The following MBNL2 variants were observed in gnomAD, a reference collection of about 807,000 sequenced individuals.
MBNL2 encodes the protein muscleblind like splicing regulator 2.
Under a neutral mutation model 41.9 loss-of-function variants are expected in MBNL2, and 17 were observed. That is an observed-to-expected ratio of 0.41 (90% CI 0.28 to 0.61). The LOEUF is 0.61. Ranked by LOEUF, MBNL2 falls within the 20% of genes least tolerant of loss-of-function variation. The probability of loss-of-function intolerance (pLI) is 0.35; values close to 1 mark genes in which losing one functional copy is unlikely to be tolerated. For synonymous variants in MBNL2, 195 were observed against 182.9 expected (o/e 1.07, Z -0.53); for missense variants, 336 against 505.6 (o/e 0.66, Z 3.22).
the MBNL2 span, among the ~76,000 whole-genome samples, chr13:97,213,757 G>A: frequency 6.6e-6 from 1 of 152,150 alleles, no homozygotes; most frequent in Non-Finnish European, 1.5e-5. Context: ...TAGGTAGGGT[G>A]GTGATCCTAA....
intron 5 of MBNL2, among the ~76,000 whole-genome samples, chr13:97,350,809 T>TTAAG (rs1474398753): frequency 6.6e-6 from 1 of 152,248 alleles, no homozygotes; most frequent in Non-Finnish European, 1.5e-5. Flanking sequence ...CTTTTTCCAT[T>TTAAG]TAAGTCTTGA....
At chr13:97,318,588 T>G (rs534870015) in intron 2 of MBNL2, among the ~76,000 whole-genome samples, 28 of 152,346 alleles carry the variant, frequency 1.8e-4, no homozygotes, top group African/African-American at 6.3e-4. Flanking sequence ...TAATTCCTTT[T>G]TAAAAAATAA....
At chr13:97,222,693 A>G (rs1018135967) in intron 1 of MBNL2, among the ~76,000 whole-genome samples, 162 bp downstream of exon 1, 1 of 152,220 alleles carries the variant, frequency 6.6e-6, no homozygotes, top group African/African-American at 2.4e-5. Flanking sequence ...TGATTTGAGA[A>G]AAAGAAATGG....
At chr13:97,270,135 T>C (rs1346152722) in intron 1 of MBNL2, among the ~76,000 whole-genome samples, 1 of 152,172 alleles carries the variant, frequency 6.6e-6, no homozygotes, top group Non-Finnish European at 1.5e-5. Flanking sequence ...TAGGACTTTC[T>C]ATCACCCTGG....
At chr13:97,376,771 G>A (rs1327031632) in intron 8 of MBNL2, among the ~76,000 whole-genome samples, 1 of 152,144 alleles carries the variant, frequency 6.6e-6, no homozygotes, top group East Asian at 1.9e-4. Flanking sequence ...ATGAAAGGCA[G>A]TAAGTCTTAA....
At chr13:97,202,142 G>T in the MBNL2 span, among the ~76,000 whole-genome samples, 2 of 152,152 alleles carry the variant, frequency 1.3e-5, no homozygotes, top group Non-Finnish European at 2.9e-5. Context: ...TAGTTGAAGC[G>T]ATCTGATATC....
Position 97,366,993 on chromosome 13 carries a change from T to A in MBNL2, c.1048+1822T>A, listed in dbSNP as rs909913545. ...GAAAGAGTCATATTTGAGGCCTAAG[T>A]GTCATATTTGAGGTCTGAATAATTC... On this transcript the variant is annotated intron_variant, in intron 8 of 8. Coordinates refer to ENST00000679496, the MANE Select transcript of MBNL2 (RefSeq NM_001382683.1). The surrounding 1 kb of genome is among the most constrained non-coding windows in gnomAD (Gnocchi z 4.7). Among the ~76,000 whole-genome samples, 3 of 152,112 alleles carry A rather than the reference T, an allele frequency of 2.0e-5. No homozygotes were observed. Among genetic ancestry groups the A allele is most frequent in the African/African-American group, 7.2e-5 (3 of 41,430 alleles).
At chr13:97,267,697 A>C (rs1284129720) in intron 1 of MBNL2, among the ~76,000 whole-genome samples, 2 of 152,142 alleles carry the variant, frequency 1.3e-5, no homozygotes, top group African/African-American at 2.4e-5. Context: ...CCTAATTCTC[A>C]CAGAAGGAAG....
chr13:97,273,475 A>G (rs1156562089), intron 1 of MBNL2, among the ~76,000 whole-genome samples: 1 of 152,248 alleles, frequency 6.6e-6, no homozygotes, highest in Non-Finnish European at 1.5e-5. Context: ...CTGTGAATGC[A>G]GCGTTGCCAA....
the MBNL2 span, among the ~76,000 whole-genome samples, chr13:97,210,614 A>G: frequency 2.0e-4 from 18 of 91,776 alleles, 1 homozygote; most frequent in Middle Eastern, 9.6e-3. Flanking sequence ...TTTTTTTGAG[A>G]CAGAATCTCA....
intron 2 of MBNL2, among the ~76,000 whole-genome samples, chr13:97,321,395 A>G (rs924628975): frequency 6.6e-6 from 1 of 152,292 alleles, no homozygotes; most frequent in African/African-American, 2.4e-5. Flanking sequence ...AACACTTGAC[A>G]TTTAACAGGC....
At position 97,356,784 on chromosome 13, in the gene MBNL2, T is replaced by C; in HGVS notation, c.805-12T>C. The C allele has an allele frequency of 7.3e-7, 1 of 1,361,672 alleles. No homozygotes were observed. Among genetic ancestry groups the C allele is most frequent in the South Asian group, 1.1e-5 (1 of 88,020 alleles). 84.3% of individuals were successfully genotyped at this position (1,361,672 alleles called of 1,614,324 possible). Reference sequence around the variant, plus strand: ...CCACTGCCATCATGTGCTCGCTGCCTGTTATTAAAAGACTCAGTCGACTGC... The same window carrying C: ...CCACTGCCATCATGTGCTCGCTGCCCGTTATTAAAAGACTCAGTCGACTGC... On this transcript the variant is annotated splice_polypyrimidine_tract_variant and intron_variant, in intron 5 of 8. Coordinates refer to ENST00000679496, the MANE Select transcript of MBNL2 (RefSeq NM_001382683.1).
At chr13:97,316,346 T>A (rs991545285) in intron 2 of MBNL2, among the ~76,000 whole-genome samples, 3 of 152,230 alleles carry the variant, frequency 2.0e-5, no homozygotes, top group African/African-American at 7.2e-5. Context: ...ATGCCACCTC[T>A]GGCCCCTTCG....
intron 1 of MBNL2, among the ~76,000 whole-genome samples, chr13:97,251,771 A>G (rs2046557857): frequency 6.6e-6 from 1 of 150,610 alleles, no homozygotes; most frequent in Non-Finnish European, 1.5e-5. Flanking sequence ...TTCAAACAAT[A>G]CTTACTGAAG....
At chr13:97,238,207 T>C (rs1038792874) in intron 1 of MBNL2, among the ~76,000 whole-genome samples, 7 of 152,178 alleles carry the variant, frequency 4.6e-5, no homozygotes, top group Non-Finnish European at 7.3e-5. Flanking sequence ...AAGACTGATG[T>C]TTGAAATCAT....
At chr13:97,296,996 T>C (rs563575385) in intron 2 of MBNL2, among the ~76,000 whole-genome samples, 1 of 152,330 alleles carries the variant, frequency 6.6e-6, no homozygotes, top group African/African-American at 2.4e-5. Context: ...AAGGCTCTTG[T>C]CTGTGGCCCT....
chr13:97,375,044 C>T (rs2064834012), intron 8 of MBNL2, among the ~76,000 whole-genome samples: 1 of 151,922 alleles, frequency 6.6e-6, no homozygotes. Context: ...CCTTCTCACA[C>T]GTCTGCCTGC....
At chr13:97,251,889 GCCGGA>G in intron 1 of MBNL2, among the ~76,000 whole-genome samples, 5 of 125,406 alleles carry the variant, frequency 4.0e-5, no homozygotes, top group African/African-American at 1.5e-4. Context: ...CGTCGCCCAG[GCCGGA>G]CTGCGGACTG....
chr13:97,247,350 G>T (rs1178526947), intron 1 of MBNL2, among the ~76,000 whole-genome samples: 3 of 152,134 alleles, frequency 2.0e-5, no homozygotes, highest in Admixed American at 2.0e-4. Context: ...AGGGCACTGG[G>T]TTTTTTTCCT....
Sources: gnomAD v4.1 joint callset for allele counts (sites outside exome capture counted in the v4.1 genomes callset) on GRCh38, gnomAD v4.1.1 for gene constraint, Gnocchi (gnomAD v3.1) non-coding constraint, MANE v1.5 for transcripts, NCBI Gene and HGNC (gene_info 2026-07-23, HGNC 2026-07-21) for gene names.